CDH18: variants seen among roughly 807,000 people sequenced by gnomAD.
The protein encoded by CDH18 is cadherin 18.
In CDH18, 31 loss-of-function variants were observed where a neutral mutation model predicts 67.9. The ratio of observed to expected loss-of-function variants is 0.46; its 90% confidence interval spans 0.34 to 0.62. The LOEUF is 0.62. Ranked by LOEUF, CDH18 falls within the 20% of genes least tolerant of loss-of-function variation. CDH18 has a pLI of 0.01. For synonymous variants in CDH18, 362 were observed against 347.2 expected (o/e 1.04, Z -0.48); for missense variants, 890 against 975.5 (o/e 0.91, Z 1.17).
chr5:20,013,063 T>C (rs1737593726), intron 2 of CDH18, among the ~76,000 whole-genome samples: 1 of 152,114 alleles, frequency 6.6e-6, no homozygotes, highest in Non-Finnish European at 1.5e-5. Context: ...CTGGTGAACT[T>C]ACAATAAAAG....
chr5:20,504,406 T>C (rs893112501), intron 1 of CDH18, among the ~76,000 whole-genome samples: 3 of 152,178 alleles, frequency 2.0e-5, no homozygotes, highest in African/African-American at 7.2e-5. Context: ...TATGCAACAC[T>C]GAACAACATA....
chr5:20,434,596 A>T (rs1418392323), intron 1 of CDH18, among the ~76,000 whole-genome samples: 1 of 152,064 alleles, frequency 6.6e-6, no homozygotes, highest in African/African-American at 2.4e-5. Flanking sequence ...AGCATAAGTT[A>T]ATAAATGGCA....
At chr5:19,960,613 G>GTATA (rs769690261) in intron 2 of CDH18, among the ~76,000 whole-genome samples, 17 of 131,464 alleles carry the variant, frequency 1.3e-4, no homozygotes, top group South Asian at 4.5e-4. Context: ...ACACACACGT[G>GTATA]TATATATATA....
intron 1 of CDH18, among the ~76,000 whole-genome samples, chr5:20,464,766 A>C: frequency 6.6e-6 from 1 of 152,118 alleles, no homozygotes; most frequent in East Asian, 1.9e-4. Flanking sequence ...AAGGAGATAC[A>C]ATTGAGATGG....
At chr5:20,403,118 G>A (rs1745920197) in intron 1 of CDH18, among the ~76,000 whole-genome samples, 1 of 151,944 alleles carries the variant, frequency 6.6e-6, no homozygotes, top group Admixed American at 6.6e-5. Context: ...AAGAGGCAGA[G>A]GTTGAACCCA....
chr5:20,561,704 A>G (rs1758228678), intron 1 of CDH18, among the ~76,000 whole-genome samples: 2 of 152,016 alleles, frequency 1.3e-5, no homozygotes, highest in African/African-American at 4.8e-5. Flanking sequence ...CAAAGCACAT[A>G]GCATGTACAG....
At chr5:19,988,021 A>T (rs1579963396) in intron 1 of CDH18, 65 bp downstream of exon 1, 1 of 152,252 alleles carries the variant, frequency 6.6e-6, no homozygotes, top group South Asian at 2.1e-4. Flanking sequence ...TGGGTAAAGC[A>T]GCCCCGCTGT....
At chr5:20,481,965 A>G (rs1032136797) in intron 1 of CDH18, among the ~76,000 whole-genome samples, 4 of 152,012 alleles carry the variant, frequency 2.6e-5, no homozygotes, top group Non-Finnish European at 4.4e-5. Context: ...GAGAAGAAAT[A>G]AGTGAAATTG....
chr5:19,955,209 G>C (rs2150279811), intron 2 of CDH18, among the ~76,000 whole-genome samples: 1 of 152,192 alleles, frequency 6.6e-6, no homozygotes, highest in South Asian at 2.1e-4. Flanking sequence ...ATGCTGAACT[G>C]TGAGTTAATT....
chr5:19,484,017 G>A (rs960296789), intron 11 of CDH18, among the ~76,000 whole-genome samples: 3 of 152,106 alleles, frequency 2.0e-5, no homozygotes, highest in Admixed American at 6.5e-5. Flanking sequence ...AAGAATAACT[G>A]GTTTATATAA....
At chr5:19,568,893 A>C (rs936724118) in intron 8 of CDH18, among the ~76,000 whole-genome samples, 1 of 152,186 alleles carries the variant, frequency 6.6e-6, no homozygotes, top group Non-Finnish European at 1.5e-5. Flanking sequence ...GACATTTTCA[A>C]CTGTCCCTTG....
At chr5:19,721,914 G>C (rs114920074) in intron 4 of CDH18, among the ~76,000 whole-genome samples, 1 of 152,174 alleles carries the variant, frequency 6.6e-6, no homozygotes, top group African/African-American at 2.4e-5. Flanking sequence ...GGGAAGGTGG[G>C]TGAGTTGATA....
At chr5:19,749,470 C>CAT (rs966354004) in intron 3 of CDH18, among the ~76,000 whole-genome samples, 49 of 150,692 alleles carry the variant, frequency 3.3e-4, no homozygotes, top group Non-Finnish European at 5.3e-4. Context: ...TGTGTGTATA[C>CAT]ATATATATAT....
At chr5:20,508,957 T>C (rs1754841461) in intron 1 of CDH18, among the ~76,000 whole-genome samples, 1 of 152,160 alleles carries the variant, frequency 6.6e-6, no homozygotes, top group Non-Finnish European at 1.5e-5. Flanking sequence ...ATTGTTTTAC[T>C]TTTTATAATT....
At chr5:19,639,916 CA>C (rs1206371609) in intron 5 of CDH18, among the ~76,000 whole-genome samples, 1 of 152,178 alleles carries the variant, frequency 6.6e-6, no homozygotes, top group Non-Finnish European at 1.5e-5. Flanking sequence ...ATAAGGCTAT[CA>C]ATGTCGTTCT....
At chr5:20,545,488 C>T (rs963705023) in intron 1 of CDH18, among the ~76,000 whole-genome samples, 6 of 152,160 alleles carry the variant, frequency 3.9e-5, no homozygotes, top group African/African-American at 1.2e-4. Context: ...GCTAAGGTTC[C>T]CAAAGCTCAA....
intron 2 of CDH18, among the ~76,000 whole-genome samples, chr5:20,040,286 T>TAATAA (rs1740307245): frequency 2.0e-5 from 3 of 151,850 alleles, no homozygotes; most frequent in Admixed American, 6.6e-5. Flanking sequence ...AAGAATAATA[T>TAATAA]TAATAATAAA....
chr5:20,327,210 C>T (rs1177431091), intron 1 of CDH18, among the ~76,000 whole-genome samples: 2 of 152,200 alleles, frequency 1.3e-5, no homozygotes, highest in African/African-American at 4.8e-5. Context: ...AGCTTGGGAA[C>T]TGAGTCATAC....
At chr5:20,385,665 G>A (rs866879085) in intron 1 of CDH18, among the ~76,000 whole-genome samples, 8 of 152,154 alleles carry the variant, frequency 5.3e-5, no homozygotes, top group Non-Finnish European at 1.0e-4. Context: ...TCAAGAGGGG[G>A]ATATTTTAGA....
Sources: allele counts gnomAD v4.1 joint callset (sites outside exome capture counted in the v4.1 genomes callset), GRCh38; gene constraint gnomAD v4.1.1; transcripts MANE v1.5; gene names NCBI Gene and HGNC (gene_info 2026-07-23, HGNC 2026-07-21).